STK24: variants seen among roughly 807,000 people sequenced by gnomAD.
The protein encoded by STK24 is serine/threonine-protein kinase 24.
In STK24, 21 loss-of-function variants were observed where a neutral mutation model predicts 55.6. That is an observed-to-expected ratio of 0.38 (90% CI 0.27 to 0.54). The LOEUF (loss-of-function observed/expected upper bound fraction) is 0.54. STK24 is among the 20% of genes least tolerant of loss of function. The pLI is 0.79. For synonymous variants in STK24, 200 were observed against 215.2 expected (o/e 0.93, Z 0.62); for missense variants, 383 against 538.4 (o/e 0.71, Z 2.86).
chr13:98,510,796 G>GT (rs780700330), intron 2 of STK24, among the ~76,000 whole-genome samples: 4 of 152,258 alleles, frequency 2.6e-5, no homozygotes. Context: ...TCTTTCGAGG[G>GT]GATGAAATGT....
intron 3 of STK24, among the ~76,000 whole-genome samples, chr13:98,476,528 C>A (rs1419310600): frequency 1.3e-5 from 2 of 152,236 alleles, no homozygotes; most frequent in Admixed American, 6.5e-5. Flanking sequence ...GTGCTTTAAG[C>A]CAAAGGGGAT....
chr13:98,469,370 G>A (rs1413994214), intron 5 of STK24, among the ~76,000 whole-genome samples: 6 of 152,110 alleles, frequency 3.9e-5, no homozygotes, highest in African/African-American at 1.2e-4. Flanking sequence ...CCAACATGGC[G>A]AAACCCCATC....
chr13:98,489,879 C>T (rs1370166906), intron 2 of STK24, among the ~76,000 whole-genome samples: 1 of 152,110 alleles, frequency 6.6e-6, no homozygotes, highest in Non-Finnish European at 1.5e-5. Flanking sequence ...CCACTGCCTA[C>T]AACAACAAAT....
chr13:98,486,906 C>T (rs555429986), intron 2 of STK24, among the ~76,000 whole-genome samples: 4 of 152,326 alleles, frequency 2.6e-5, no homozygotes, highest in Admixed American at 2.0e-4. Context: ...GGAATCAGAT[C>T]GGTGCTTCCA....
chr13:98,559,002 T>TAAAAAAA (rs60756124), intron 1 of STK24, among the ~76,000 whole-genome samples: 39 of 43,030 alleles, frequency 9.1e-4, no homozygotes, highest in Admixed American at 2.3e-3. Flanking sequence ...CTGTCTCTAC[T>TAAAAAAA]AAAAAAAAAA....
chr13:98,534,644 C>T (rs1896662858), intron 1 of STK24, among the ~76,000 whole-genome samples: 1 of 152,194 alleles, frequency 6.6e-6, no homozygotes, highest in African/African-American at 2.4e-5. Context: ...GAATATTTTG[C>T]AGACCCAGTG....
chr13:98,478,588 G>A (rs1894471660), intron 3 of STK24, among the ~76,000 whole-genome samples: 1 of 152,236 alleles, frequency 6.6e-6, no homozygotes, highest in Non-Finnish European at 1.5e-5. Flanking sequence ...TGCAGGGGGA[G>A]AAATAAATTT....
intron 1 of STK24, among the ~76,000 whole-genome samples, chr13:98,570,090 G>A (rs1457340683): frequency 6.6e-6 from 1 of 151,864 alleles, no homozygotes; most frequent in Non-Finnish European, 1.5e-5. Flanking sequence ...TGTTGGCCAG[G>A]CTGGTCTTGA....
At chr13:98,493,865 TCTCA>T (rs1425647320) in intron 2 of STK24, among the ~76,000 whole-genome samples, 1 of 142,108 alleles carries the variant, frequency 7.0e-6, no homozygotes, top group African/African-American at 2.7e-5. Flanking sequence ...TGAGAGGGAG[TCTCA>T]CTGTGTTGCC....
chr13:98,558,637 T>C (rs1897335217), intron 1 of STK24, among the ~76,000 whole-genome samples: 1 of 152,224 alleles, frequency 6.6e-6, no homozygotes, highest in African/African-American at 2.4e-5. Context: ...ATAGTTTACA[T>C]AGACTTTGGA....
chr13:98,472,460 G>A (rs1489484228), intron 5 of STK24, among the ~76,000 whole-genome samples: 4 of 152,148 alleles, frequency 2.6e-5, no homozygotes, highest in African/African-American at 4.8e-5. Context: ...AACCAAGAGC[G>A]GAAGATCTTC....
In STK24 at chr13:98,513,280, C is replaced by T. The variant is rs567801615; in HGVS notation, c.273+5963G>A. Among the ~76,000 whole-genome samples the T allele has an allele frequency of 3.5e-4, 53 of 152,342 alleles. 1 individual carries two copies. The highest frequency in any genetic ancestry group is 1.2e-3 in the African/African-American group (51 of 41,574). On this transcript the variant is annotated intron_variant, in intron 2 of 10. Transcript: ENST00000539966. ...ATGCCCTTTGGGATATTCCAAGAGT[C>T]CCAAATGTCAGCCCTAGAAACACCA... is the stretch of plus-strand genomic sequence containing the variant.
At chr13:98,570,538 A>C (rs936236803) in intron 1 of STK24, among the ~76,000 whole-genome samples, 2 of 152,236 alleles carry the variant, frequency 1.3e-5, no homozygotes, top group African/African-American at 4.8e-5. Context: ...TTCAGATACC[A>C]ACAGAGCGCA....
chr13:98,471,368 T>C (rs890904135), intron 5 of STK24, among the ~76,000 whole-genome samples: 2 of 152,104 alleles, frequency 1.3e-5, no homozygotes, highest in African/African-American at 4.8e-5. Context: ...TAACATACCA[T>C]CGTAATGATC....
chr13:98,474,803 C>A lies in STK24; in HGVS notation c.597+18G>T, dbSNP rs1231358576. On this transcript the variant is annotated intron_variant, in intron 5 of 10. Coordinates refer to ENST00000539966, the MANE Select transcript of STK24 (RefSeq NM_001032296.4). ...CCAGGCCTCGTGAGGCACGGCGCCG[C>A]CCTCACCCTCCCCTCACCTTCGAGT... 13 of 1,600,756 alleles carry A rather than the reference C, an allele frequency of 8.1e-6. No homozygotes were observed. The highest frequency in any genetic ancestry group is 1.0e-5 in the Non-Finnish European group (12 of 1,173,770).
chr13:98,458,045 A>C (rs1477126970), intron 9 of STK24, among the ~76,000 whole-genome samples: 1 of 152,218 alleles, frequency 6.6e-6, no homozygotes, highest in Non-Finnish European at 1.5e-5. Flanking sequence ...GTTGGTTCTT[A>C]AACTCCAGCA....
intron 1 of STK24, 119 bp downstream of exon 1, chr13:98,576,626 G>C: frequency 1.2e-6 from 1 of 811,552 alleles, no homozygotes; most frequent in South Asian, 2.2e-5. Context: ...GGCGCGCGGG[G>C]AGCCAGGCTC....
chr13:98,461,364 T>C (rs1893697585), intron 8 of STK24, among the ~76,000 whole-genome samples: 1 of 152,166 alleles, frequency 6.6e-6, no homozygotes, highest in East Asian at 1.9e-4. Flanking sequence ...TACATAAATA[T>C]CAAAAGCAAT....
intron 9 of STK24, among the ~76,000 whole-genome samples, chr13:98,460,104 G>C (rs1893637340): frequency 6.6e-6 from 1 of 152,218 alleles, no homozygotes; most frequent in Admixed American, 6.5e-5. Context: ...TTGCTAAAAA[G>C]CAGGGCAACG....
Sources: gnomAD v4.1 joint callset for allele counts (sites outside exome capture counted in the v4.1 genomes callset) on GRCh38, gnomAD v4.1.1 for gene constraint, MANE v1.5 for transcripts, NCBI Gene and HGNC (gene_info 2026-07-23, HGNC 2026-07-21) for gene names.